Variants in EIF4G1 observed in about 807,000 individuals in gnomAD.
EIF4G1 encodes the protein EIF4-gamma.
A neutral mutation model predicts 187.8 loss-of-function variants in EIF4G1; 4 were observed. That is an observed-to-expected ratio of 0.02 (90% CI 0.01 to 0.05). The LOEUF (loss-of-function observed/expected upper bound fraction) is 0.05. EIF4G1 is among the 10% of genes least tolerant of loss of function. EIF4G1 has a pLI of 1.00. For synonymous variants in EIF4G1, 844 were observed against 781.4 expected, an observed-to-expected ratio of 1.08 and a Z score of -1.34; for missense variants, 1,647 against 2,081.1, an observed-to-expected ratio of 0.79 and a Z score of 4.06.
At chr3:184,316,859 G>A in intron 4 of EIF4G1, 1 of 1,011,748 alleles carries the variant, frequency 9.9e-7, no homozygotes, top group Non-Finnish European at 1.5e-6. Context: ...CAGGTTCTCA[G>A]TTGGAGGCCG....
chr3:184,323,498 C>T lies in EIF4G1; in HGVS notation c.2179C>T (p.Leu727=), dbSNP rs752535483. 1 of 1,614,176 alleles carries T rather than the reference C, an allele frequency of 6.2e-7. No homozygotes were observed. The highest frequency in any genetic ancestry group is 8.5e-7 in the Non-Finnish European group (1 of 1,180,048). Reference sequence around the variant, plus strand: ...AGTGTTAATGACCGAAGATATAAAACTGAACAAAGCAGAGAAAGCCTGGAA... The same window carrying T: ...AGTGTTAATGACCGAAGATATAAAATTGAACAAAGCAGAGAAAGCCTGGAA... ...ATVLMTEDIK[L]NKAEKAWKPS... Residue 727 remains leucine (L), a synonymous_variant, in exon 15 of 33, where the codon CTG becomes TTG. Coordinates refer to ENST00000346169, the MANE Select transcript of EIF4G1 (RefSeq NM_198241.3). This position sits in a 1 kb window ranked among gnomAD's most constrained non-coding sequence, Gnocchi z 6.9.
intron 26 of EIF4G1, 108 bp from the exon 27 acceptor site, chr3:184,328,523 A>C: frequency 6.6e-7 from 1 of 1,511,212 alleles, no homozygotes; most frequent in Non-Finnish European, 9.2e-7. Context: ...CCATGTCTAG[A>C]AAATGTTCCT....
chr3:184,332,108 CA>C (rs749766839), intron 32 of EIF4G1, 22 bp downstream of exon 32: 36 of 1,614,058 alleles, frequency 2.2e-5, no homozygotes, highest in Middle Eastern at 1.7e-4. Context: ...GCCATGGGGA[CA>C]GGGGTGGGGT....
chr3:184,315,471 C>G lies in EIF4G1; in HGVS notation c.-91-18C>G. The stretch of plus-strand genomic sequence containing the variant: ...GGCCCCGCGGAGCCAGGTTGATACC[C>G]TCACCTCCCAACCCCAGGCCCTCGG... On this transcript the variant is annotated intron_variant, in intron 1 of 32. Transcript: ENST00000346169. 1 of 622,418 alleles carries G rather than the reference C, an allele frequency of 1.6e-6. No individual in the cohort carries two copies. The highest frequency in any genetic ancestry group is 3.1e-6 in the Non-Finnish European group (1 of 326,928). 38.6% of individuals were successfully genotyped at this position (622,418 alleles called of 1,614,324 possible). A position where few individuals can be genotyped will look rare whatever the true frequency, so the allele number is the denominator to read the frequency against.
At chr3:184,317,660 G>C (rs59108039) in intron 5 of EIF4G1, 57 bp from the exon 6 acceptor site, 14 of 1,550,540 alleles carry the variant, frequency 9.0e-6, no homozygotes, top group Non-Finnish European at 1.2e-5. Flanking sequence ...TTTGGAGTCT[G>C]ATATGGAACT....
In EIF4G1 at chr3:184,329,674, C is replaced by T. The variant is rs1725653002; in HGVS notation, c.4161+684C>T. On this transcript the variant is annotated intron_variant, in intron 28 of 32. Coordinates refer to ENST00000346169, the MANE Select transcript of EIF4G1 (RefSeq NM_198241.3). ...CAGCTTGATAAAAACAACAGTAAAG[C>T]GTGACATAAAACAGTTGAAATAGAG... 2.0e-5 allele frequency among the ~76,000 whole-genome samples: 3 copies of T among 152,252 alleles called. No individual in the cohort carries two copies. The South Asian group carries it at 6.2e-4, about 32-fold the overall frequency.
intron 28 of EIF4G1, 193 bp downstream of exon 28, chr3:184,329,183 ACT>A: frequency 1.5e-6 from 1 of 648,282 alleles, no homozygotes; most frequent in Non-Finnish European, 2.7e-6. Flanking sequence ...TCTGGCCAAG[ACT>A]GGAGGAGAAT....
At chr3:184,328,179 G>A (rs768790968) in intron 26 of EIF4G1, 177 bp downstream of exon 26, 10 of 697,898 alleles carry the variant, frequency 1.4e-5, no homozygotes, top group South Asian at 3.2e-5. Context: ...AGAGGATCAC[G>A]TGAGGTTGGG....
intron 1 of EIF4G1, 144 bp from the exon 2 acceptor site, chr3:184,315,345 G>C (rs780309725): frequency 1.9e-6 from 1 of 518,500 alleles, no homozygotes; most frequent in South Asian, 1.4e-5. Context: ...CGGTGTCCCC[G>C]GGTGGGGGGT....
At chr3:184,324,395 C>G (rs769954183) in intron 17 of EIF4G1, 48 bp downstream of exon 17, 1 of 1,613,250 alleles carries the variant, frequency 6.2e-7, no homozygotes. Flanking sequence ...ACCTCCTTCC[C>G]TTACCCAGAT....
Position 184,325,587 on chromosome 3 carries a change from C to T in EIF4G1, c.3069C>T (p.Leu1023=). The T allele has an allele frequency of 1.2e-6, 2 of 1,614,236 alleles. No homozygotes were observed. Among genetic ancestry groups the T allele is most frequent in the Non-Finnish European group, 1.7e-6 (2 of 1,180,048 alleles). The change falls in exon 20 of 33, where the codon CTC becomes CTT. Residue 1023 remains leucine (L), a synonymous_variant. Coordinates refer to ENST00000346169, the MANE Select transcript of EIF4G1 (RefSeq NM_198241.3). The surrounding 1 kb of genome is among the most constrained non-coding windows in gnomAD (Gnocchi z 5.2). The part of the protein sequence containing the change: ...EHREHIKVQQ[L]MAKGSDKRRG... ...GAGAGCACATCAAAGTGCAGCAGCTCATGGCCAAGGGCAGTGACAAGCGTC... is the reference window on the plus strand; with the variant it reads ...GAGAGCACATCAAAGTGCAGCAGCTTATGGCCAAGGGCAGTGACAAGCGTC...
Position 184,327,429 on chromosome 3 carries a change from G to C in EIF4G1, c.3642G>C (p.Arg1214=). ...AGGCAGCTAGCCTCACGGAGGATCG[G>C]GACCGTGGGCGGGATGCCGGTGAGA... is the stretch of plus-strand genomic sequence containing the variant. ...LRKAASLTED[R]DRGRDAVKRE... is the part of the protein sequence containing the mutation. Residue 1214 remains arginine, a synonymous_variant, in exon 24 of 33, where the codon CGG becomes CGC. Coordinates refer to ENST00000346169, the MANE Select transcript of EIF4G1 (RefSeq NM_198241.3). The C allele has an allele frequency of 1.9e-6, 3 of 1,613,560 alleles. No individual in the cohort carries two copies. Among genetic ancestry groups the C allele is most frequent in the African/African-American group, 2.7e-5 (2 of 75,072 alleles).
rs1724120011 is a variant in EIF4G1, at chr3:184,322,647, A to T, written c.1712A>T (p.Asp571Val). The T allele has an allele frequency of 1.2e-6, 2 of 1,614,112 alleles. No homozygotes were observed. Among genetic ancestry groups the T allele is most frequent in the Non-Finnish European group, 1.7e-6 (2 of 1,180,058 alleles). The part of the protein sequence containing the change: ...SGVPPRPEEA[D>V]ETWDSKEDKI... ...GTGCCCCCACGTCCTGAGGAAGCAG[A>T]TGAGACCTGGGACTCAAAGGAAGAC... is the stretch of plus-strand genomic sequence containing the variant. The change falls in exon 12 of 33, where the codon GAT (aspartate) becomes GTT (valine). Residue 571 changes from aspartate to valine, a missense_variant. Physicochemically the swap from Asp to Val is radical, Grantham distance 152. This residue lies in a region of EIF4G1 where 522 missense variants were observed against 485.2 expected (regional missense o/e 1.08). Coordinates refer to ENST00000346169, the MANE Select transcript of EIF4G1 (RefSeq NM_198241.3).
chr3:184,331,134 C>T (rs1560230818), intron 28 of EIF4G1, 132 bp from the exon 29 acceptor site: 3 of 976,536 alleles, frequency 3.1e-6, no homozygotes, highest in Non-Finnish European at 5.0e-6. Flanking sequence ...ATTAGTATTT[C>T]TATAGCATCC....
At chr3:184,315,980 G>A in intron 3 of EIF4G1, 124 bp downstream of exon 3, 1 of 1,511,446 alleles carries the variant, frequency 6.6e-7, no homozygotes, top group African/African-American at 1.4e-5. Context: ...ATTGAGACAG[G>A]GCCCCTGGGC....
intron 6 of EIF4G1, among the ~76,000 whole-genome samples, chr3:184,318,801 C>A (rs957894773): frequency 2.0e-5 from 3 of 151,240 alleles, no homozygotes; most frequent in Non-Finnish European, 2.9e-5. Context: ...GATGGTGTTT[C>A]ATCATGTTGA....
At chr3:184,320,515 A>G (rs1033607676) in intron 7 of EIF4G1, 115 bp from the exon 8 acceptor site, 1 of 1,582,166 alleles carries the variant, frequency 6.3e-7, no homozygotes. Context: ...TCTGGCACCT[A>G]CCTACCTGCT....
chr3:184,328,781 G>A, intron 27 of EIF4G1, 25 bp downstream of exon 27: 1 of 1,614,148 alleles, frequency 6.2e-7, no homozygotes, highest in South Asian at 1.1e-5. Context: ...GTGGAATTCA[G>A]GGGAGGTAAA....
intron 6 of EIF4G1, 150 bp from the exon 7 acceptor site, chr3:184,319,539 A>ACCTGC (rs1723473661): frequency 1.5e-6 from 1 of 669,628 alleles, no homozygotes; most frequent in Non-Finnish European, 2.8e-6. Context: ...ACAGACACCT[A>ACCTGC]ATTCCCTGGG....
Sources: allele counts gnomAD v4.1 joint callset (sites outside exome capture counted in the v4.1 genomes callset), GRCh38; gene constraint gnomAD v4.1.1; regional missense constraint gnomAD v4.1.1; non-coding constraint Gnocchi (gnomAD v3.1); transcripts MANE v1.5; gene names NCBI Gene and HGNC (gene_info 2026-07-23, HGNC 2026-07-21).